SFRP1: variants seen among roughly 807,000 people sequenced by gnomAD.
The protein encoded by SFRP1 is secreted frizzled related protein 1, also known as secreted frizzled-related protein 1.
In SFRP1, 9 loss-of-function variants were observed where a neutral mutation model predicts 25.9. The observed-to-expected ratio is 0.35, with a 90% CI of 0.21 to 0.61. The LOEUF is 0.61. Among genes scored for constraint, SFRP1 ranks in the 20% least tolerant of loss-of-function variants. The pLI, the probability that SFRP1 is intolerant of heterozygous loss-of-function variation, is 0.78. For synonymous variants in SFRP1, 178 were observed against 174.0 expected (o/e 1.02, Z -0.18); for missense variants, 346 against 418.2 (o/e 0.83, Z 1.51).
intron 2 of SFRP1, among the ~76,000 whole-genome samples, chr8:41,296,819 A>G (rs1169765541): frequency 1.3e-5 from 2 of 152,164 alleles, no homozygotes; most frequent in African/African-American, 2.4e-5. Context: ...CACACAAATG[A>G]AAACTTCAGT....
chr8:41,274,071 T>G (rs975026222), intron 2 of SFRP1, among the ~76,000 whole-genome samples: 1 of 152,208 alleles, frequency 6.6e-6, no homozygotes, highest in Admixed American at 6.5e-5. Context: ...CCTGGGGGCT[T>G]TCAGGCTTTC....
chr8:41,308,780 T>C lies in SFRP1; in HGVS notation c.380A>G (p.Tyr127Cys), dbSNP rs572275992. Residue 127 changes from tyrosine to cysteine, a missense_variant, in exon 1 of 3, where the codon TAC becomes TGC. By Grantham distance (194) the Tyr-to-Cys change is radical (BLOSUM62 -2). Transcript: ENST00000220772. ...GGCCTCGCAGAGCCAGCGACACGGG[T>C]AGATGGGCCGGTCCAGGCAGACGGG... ...FAPVCLDRPI[Y>C]PCRWLCEAVR... The C allele has an allele frequency of 6.2e-7, 1 of 1,610,278 alleles. No individual in the cohort carries two copies. The highest frequency in any genetic ancestry group is 1.1e-5 in the South Asian group (1 of 90,706).
intron 2 of SFRP1, among the ~76,000 whole-genome samples, chr8:41,288,607 A>G (rs1352070474): frequency 6.8e-6 from 1 of 146,382 alleles, no homozygotes; most frequent in Non-Finnish European, 1.5e-5. Flanking sequence ...TCTTCCATAC[A>G]CTCTCATGTC....
chr8:41,304,575 C>T (rs1311436842), intron 1 of SFRP1, among the ~76,000 whole-genome samples: 3 of 152,158 alleles, frequency 2.0e-5, no homozygotes, highest in South Asian at 2.1e-4. Context: ...ACCCTGCACT[C>T]GGGGAGTGCA....
chr8:41,263,790 CT>C lies in SFRP1; in HGVS notation c.*1376del, dbSNP rs1803401921. 1 of 152,202 alleles carries C rather than the reference CT, an allele frequency of 6.6e-6. No individual in the cohort carries two copies. The highest frequency in any genetic ancestry group is 2.1e-4 in the South Asian group (1 of 4,832). The allele number at this position is 152,202 out of a possible 1,614,324, so 9.4% of individuals were successfully genotyped here. A position where few individuals can be genotyped will look rare whatever the true frequency, so the allele number is the denominator to read the frequency against. On this transcript the variant is annotated 3_prime_UTR_variant, in exon 3 of 3. Transcript: ENST00000220772. ...TGGGAAAAACTGCAGAGATGTTTTG[CT>C]TTTGAAACTCTCTCGCTGGATGGGG...
At chr8:41,270,919 C>T (rs989095694) in intron 2 of SFRP1, 6 of 151,978 alleles carry the variant, frequency 3.9e-5, no homozygotes, top group African/African-American at 1.5e-4. Flanking sequence ...CAGAGGAGGA[C>T]CGGACAGGTG....
intron 2 of SFRP1, among the ~76,000 whole-genome samples, chr8:41,280,831 G>C (rs928485656): frequency 8.5e-5 from 13 of 152,304 alleles, no homozygotes; most frequent in Non-Finnish European, 1.5e-4. Context: ...AGCTTTGCAG[G>C]AACGGGTGCT....
intron 2 of SFRP1, among the ~76,000 whole-genome samples, chr8:41,282,091 CT>C: frequency 6.6e-6 from 1 of 152,248 alleles, no homozygotes; most frequent in South Asian, 2.1e-4. Context: ...TGCTAAGGGC[CT>C]TTTGGGTAGC....
At chr8:41,279,187 C>G (rs1803605456) in intron 2 of SFRP1, among the ~76,000 whole-genome samples, 1 of 152,086 alleles carries the variant, frequency 6.6e-6, no homozygotes, top group Non-Finnish European at 1.5e-5. Context: ...CATCAGGGGG[C>G]TCAGCTAAAC....
At chr8:41,288,626 AGCTCTGTGGGGGAT>A (rs1803738858) in intron 2 of SFRP1, among the ~76,000 whole-genome samples, 1 of 146,452 alleles carries the variant, frequency 6.8e-6, no homozygotes, top group South Asian at 2.2e-4. Context: ...TCTACACACC[AGCTCTGTGGGGGAT>A]GCATGATGGC....
At chr8:41,279,647 C>T (rs550398346) in intron 2 of SFRP1, among the ~76,000 whole-genome samples, 60 of 152,172 alleles carry the variant, frequency 3.9e-4, no homozygotes, top group African/African-American at 1.4e-3. Context: ...GCTTTTCAGG[C>T]CTGGGGGCAG....
At chr8:41,275,967 C>CG (rs1266140106) in intron 2 of SFRP1, among the ~76,000 whole-genome samples, 1 of 152,158 alleles carries the variant, frequency 6.6e-6, no homozygotes, top group Admixed American at 6.5e-5. Flanking sequence ...AGGTTGGTCT[C>CG]GAACTCCTGA....
intron 2 of SFRP1, among the ~76,000 whole-genome samples, chr8:41,289,637 G>T (rs142177070): frequency 6.6e-6 from 1 of 152,094 alleles, no homozygotes; most frequent in East Asian, 1.9e-4. Context: ...CCTGCTAACC[G>T]CTGGAATCCT....
intron 2 of SFRP1, among the ~76,000 whole-genome samples, chr8:41,276,236 C>T (rs1174873096): frequency 1.3e-5 from 2 of 152,206 alleles, no homozygotes; most frequent in South Asian, 2.1e-4. Context: ...TGCCTCCCAG[C>T]CCCAGATCAC....
intron 2 of SFRP1, among the ~76,000 whole-genome samples, chr8:41,274,819 TAAAG>T (rs1303405204): frequency 6.6e-6 from 1 of 152,176 alleles, no homozygotes; most frequent in Non-Finnish European, 1.5e-5. Context: ...CTTAGTCTAA[TAAAG>T]AATGTCAGTG....
chr8:41,275,525 C>G (rs946553955), intron 2 of SFRP1, among the ~76,000 whole-genome samples: 7 of 149,930 alleles, frequency 4.7e-5, no homozygotes, highest in African/African-American at 1.7e-4. Context: ...TTTTTTTAGA[C>G]AGAGTTTTGC....
intron 2 of SFRP1, among the ~76,000 whole-genome samples, chr8:41,268,506 G>C (rs900362965): frequency 1.3e-5 from 2 of 152,182 alleles, no homozygotes; most frequent in African/African-American, 2.4e-5. Context: ...TTACGTAGGT[G>C]GGGGAGCAGC....
chr8:41,306,997 G>A (rs1804006724), intron 1 of SFRP1: 6 of 1,455,802 alleles, frequency 4.1e-6, no homozygotes, highest in Non-Finnish European at 5.4e-6. Context: ...GTCTGCAGAC[G>A]GTCCCAGAAA....
chr8:41,282,736 A>G lies in SFRP1; in HGVS notation c.623-17247T>C, dbSNP rs572652389. Among the ~76,000 whole-genome samples the G allele has an allele frequency of 2.0e-5, 3 of 152,272 alleles. No homozygotes were observed. The East Asian group carries it at 5.8e-4, about 29-fold the overall frequency. The stretch of plus-strand genomic sequence containing the variant: ...ACACATTGCCTTTTTGAAACTACAT[A>G]TTCAAAAATATTATATACACAAATA... On this transcript the variant is annotated intron_variant, in intron 2 of 2. Coordinates refer to ENST00000220772, the MANE Select transcript of SFRP1 (RefSeq NM_003012.5).
Sources: gnomAD v4.1 joint callset for allele counts (sites outside exome capture counted in the v4.1 genomes callset) on GRCh38, gnomAD v4.1.1 for gene constraint, MANE v1.5 for transcripts, NCBI Gene and HGNC (gene_info 2026-07-23, HGNC 2026-07-21) for gene names.